The following PRUNE2 variants were observed in gnomAD, a reference collection of about 807,000 sequenced individuals.
The protein encoded by PRUNE2 is prune homolog 2 with BCH domain, also known as protein prune homolog 2.
A neutral mutation model predicts 252.0 loss-of-function variants in PRUNE2; 164 were observed. The ratio of observed to expected loss-of-function variants is 0.65; its 90% confidence interval spans 0.57 to 0.74. PRUNE2 has a LOEUF of 0.74. PRUNE2 is among the 30% of genes least tolerant of loss of function. PRUNE2 has a pLI of 0.00. For synonymous variants in PRUNE2, 1,292 were observed against 1,350.2 expected (o/e 0.96, Z 0.94); for missense variants, 3,495 against 3,711.0 (o/e 0.94, Z 1.51).
At chr9:76,826,498 C>T (rs1238834718) in intron 5 of PRUNE2, 82 bp downstream of exon 5, 2 of 1,004,996 alleles carry the variant, frequency 2.0e-6, no homozygotes, top group Non-Finnish European at 2.9e-6. Context: ...AACAAATATA[C>T]CTTCTCAGGT....
intron 6 of PRUNE2, among the ~76,000 whole-genome samples, chr9:76,752,723 G>A (rs982366881): frequency 5.9e-5 from 9 of 152,142 alleles, no homozygotes. Context: ...GTTAATAATG[G>A]TATTAATATC....
chr9:76,894,350 A>C (rs937652309), intron 1 of PRUNE2, among the ~76,000 whole-genome samples: 2 of 152,220 alleles, frequency 1.3e-5, no homozygotes, highest in African/African-American at 4.8e-5. Flanking sequence ...GCCAAGGGAC[A>C]TATTTAACTG....
intron 1 of PRUNE2, among the ~76,000 whole-genome samples, chr9:76,858,089 A>C (rs570937469): frequency 7.2e-5 from 11 of 152,344 alleles, no homozygotes; most frequent in African/African-American, 2.4e-4. Context: ...CCCAAATAAA[A>C]GGGACAATAA....
chr9:76,716,034 A>G (rs2047122304), intron 6 of PRUNE2, among the ~76,000 whole-genome samples: 1 of 152,328 alleles, frequency 6.6e-6, no homozygotes, highest in Admixed American at 6.5e-5. Context: ...TTGAAAGAAG[A>G]CACACATTTC....
At chr9:76,886,754 G>T (rs1589774565) in intron 1 of PRUNE2, among the ~76,000 whole-genome samples, 2 of 152,152 alleles carry the variant, frequency 1.3e-5, no homozygotes, top group Non-Finnish European at 2.9e-5. Context: ...ATTGTGGCTA[G>T]TTTTTTCAAG....
At chr9:76,722,799 T>G (rs1394619315) in intron 6 of PRUNE2, among the ~76,000 whole-genome samples, 42 of 152,228 alleles carry the variant, frequency 2.8e-4, no homozygotes, top group Admixed American at 2.7e-3. Flanking sequence ...ACAGCTCGTA[T>G]GTGGGACAAA....
rs1173720505 is a variant in PRUNE2 at position 76,709,498 on chromosome 9, T to C, written c.2776A>G (p.Met926Val). 3.1e-6 allele frequency: 5 copies of C among 1,613,996 alleles called. No individual in the cohort carries two copies. Among genetic ancestry groups the C allele is most frequent in the African/African-American group, 1.3e-5 (1 of 75,040 alleles). ...AGGACATCTGACCCTCCTTTCTTCA[T>C]ATTCTCCTCAAAAAGGTTCCAGGAA... ...VDSWNLFEEN[M>V]KKGGSDVLVP... is the part of the protein sequence containing the mutation. The change falls in exon 8 of 19, where the codon ATG becomes GTG. Residue 926 changes from methionine to valine, a missense_variant. Coordinates refer to ENST00000376718, the MANE Select transcript of PRUNE2 (RefSeq NM_015225.3).
chr9:76,861,702 T>C (rs1166001895), intron 1 of PRUNE2, among the ~76,000 whole-genome samples: 3 of 152,176 alleles, frequency 2.0e-5, no homozygotes, highest in Admixed American at 2.0e-4. Flanking sequence ...TGACCTCAAA[T>C]ATCATTTATA....
chr9:76,782,470 T>G (rs542377882), intron 6 of PRUNE2, among the ~76,000 whole-genome samples: 8 of 152,348 alleles, frequency 5.3e-5, no homozygotes, highest in African/African-American at 1.9e-4. Flanking sequence ...TGCCACACTT[T>G]GTTTATCTGA....
At chr9:76,735,412 CT>C (rs1388653505) in intron 6 of PRUNE2, among the ~76,000 whole-genome samples, 3 of 126,528 alleles carry the variant, frequency 2.4e-5, no homozygotes, top group Non-Finnish European at 4.7e-5. Context: ...AGATAGTTTT[CT>C]TTCTTCTTTT....
rs534807575 is a variant in PRUNE2 at position 76,711,159 on chromosome 9, A to G, written c.1115T>C (p.Val372Ala). Reference protein sequence around the residue: ...SNSRTSSTEAVAGSAPLSQGS... With the variant: ...SNSRTSSTEAAAGSAPLSQGS... ...CTGGGAGAGGGGGGCACTGCCTGCC[A>G]CGGCTTCTGTTGAGGATGTCCGGCT... Residue 372 changes from valine to alanine, a missense_variant, in exon 8 of 19, where the codon GTG (valine) becomes GCG (alanine). Val to Ala is a moderately conservative substitution (Grantham distance 64). Transcript: ENST00000376718. 1 of 1,613,990 alleles carries G rather than the reference A, an allele frequency of 6.2e-7. No homozygotes were observed. The highest frequency in any genetic ancestry group is 2.2e-5 in the East Asian group (1 of 44,878).
At chr9:76,817,887 A>G (rs1306391815) in intron 6 of PRUNE2, 1 of 152,190 alleles carries the variant, frequency 6.6e-6, no homozygotes, top group Non-Finnish European at 1.5e-5. Context: ...GGAAGAGTTT[A>G]CAGACCTGAA....
intron 1 of PRUNE2, among the ~76,000 whole-genome samples, chr9:76,876,113 T>A (rs1222030087): frequency 6.6e-6 from 1 of 152,160 alleles, no homozygotes; most frequent in East Asian, 1.9e-4. Flanking sequence ...CAAATCTGCT[T>A]GCAAAATCTG....
At chr9:76,631,486 T>C (rs1837582574) in intron 15 of PRUNE2, among the ~76,000 whole-genome samples, 1 of 152,176 alleles carries the variant, frequency 6.6e-6, no homozygotes, top group South Asian at 2.1e-4. Context: ...CAGCTTTCAC[T>C]CTCTACCAGG....
At chr9:76,830,260 C>T (rs2058593332) in intron 4 of PRUNE2, among the ~76,000 whole-genome samples, 1 of 152,142 alleles carries the variant, frequency 6.6e-6, no homozygotes, top group South Asian at 2.1e-4. Flanking sequence ...AGTAGTTCCC[C>T]TTGGAAAGGA....
intron 9 of PRUNE2, among the ~76,000 whole-genome samples, chr9:76,665,183 G>C (rs1189439730): frequency 1.3e-5 from 2 of 152,080 alleles, no homozygotes; most frequent in Admixed American, 6.5e-5. Flanking sequence ...AAAGAATTTG[G>C]CTTCAGAGAA....
At chr9:76,671,965 CCAT>C in intron 9 of PRUNE2, among the ~76,000 whole-genome samples, 1 of 151,878 alleles carries the variant, frequency 6.6e-6, no homozygotes. Flanking sequence ...AATGTAAAGA[CCAT>C]CGAGACTAGG....
chr9:76,787,809 C>T (rs1487449217), intron 6 of PRUNE2, among the ~76,000 whole-genome samples: 1 of 152,174 alleles, frequency 6.6e-6, no homozygotes, highest in African/African-American at 2.4e-5. Flanking sequence ...CCTCCCACTG[C>T]CCACAGGAGA....
chr9:76,731,734 A>T (rs1458215045), intron 6 of PRUNE2, among the ~76,000 whole-genome samples: 1 of 152,226 alleles, frequency 6.6e-6, no homozygotes, highest in Non-Finnish European at 1.5e-5. Context: ...TGGTACACTT[A>T]TTATTTAGAA....
Sources: gnomAD v4.1 joint callset for allele counts (sites outside exome capture counted in the v4.1 genomes callset) on GRCh38, gnomAD v4.1.1 for gene constraint, MANE v1.5 for transcripts, NCBI Gene and HGNC (gene_info 2026-07-23, HGNC 2026-07-21) for gene names.